Variants in LRFN5 observed in about 807,000 individuals in gnomAD.
LRFN5 encodes the protein leucine-rich repeat and fibronectin type-III domain-containing protein 5.
In LRFN5, 24 loss-of-function variants were observed where a neutral mutation model predicts 45.6. That is an observed-to-expected ratio of 0.53 (90% CI 0.38 to 0.74). The LOEUF (loss-of-function observed/expected upper bound fraction) is 0.74. Ranked by LOEUF, LRFN5 falls within the 30% of genes least tolerant of loss-of-function variation. The pLI, the probability that LRFN5 is intolerant of heterozygous loss-of-function variation, is 0.00. For synonymous variants in LRFN5, 340 were observed against 313.8 expected (o/e 1.08, Z -0.88); for missense variants, 776 against 861.5 (o/e 0.90, Z 1.24).
intron 1 of LRFN5, among the ~76,000 whole-genome samples, chr14:41,745,877 A>T (rs1490000091): frequency 6.6e-6 from 1 of 152,004 alleles, no homozygotes; most frequent in East Asian, 1.9e-4. Context: ...CACTAATTAA[A>T]ACTTTCCCCA....
chr14:41,876,992 T>A (rs1350978561), intron 2 of LRFN5, among the ~76,000 whole-genome samples: 2 of 152,142 alleles, frequency 1.3e-5, no homozygotes, highest in Non-Finnish European at 2.9e-5. Flanking sequence ...TTGTTTACAA[T>A]GTGAGAATTA....
chr14:41,636,255 G>C (rs2138588210), intron 1 of LRFN5, among the ~76,000 whole-genome samples: 1 of 152,238 alleles, frequency 6.6e-6, no homozygotes, highest in African/African-American at 2.4e-5. Context: ...ATACATCATG[G>C]AGTTGGTATT....
At position 41,624,934 on chromosome 14, in the gene LRFN5, CAA is replaced by C. The variant is rs528444143; in HGVS notation, c.-197+16374_-197+16375del. Among the ~76,000 whole-genome samples the C allele has an allele frequency of 4.8e-4, 72 of 151,254 alleles. 1 individual carries two copies. In the South Asian group the frequency reaches 0.011, roughly 24 times the overall value. On this transcript the variant is annotated intron_variant, in intron 1 of 5. Transcript: ENST00000298119. ...TTTTTTTCTTTTCATGTCTTATTTG[CAA>C]AGAGTTGACTATTTCCAGATAAAAT...
intron 1 of LRFN5, among the ~76,000 whole-genome samples, chr14:41,640,555 T>C (rs1307286519): frequency 1.3e-5 from 2 of 152,112 alleles, no homozygotes; most frequent in Non-Finnish European, 2.9e-5. Flanking sequence ...ATTAGGACAC[T>C]GTGGAGATAG....
chr14:41,814,410 T>C (rs943364115), intron 2 of LRFN5, among the ~76,000 whole-genome samples: 5 of 152,164 alleles, frequency 3.3e-5, no homozygotes, highest in African/African-American at 7.2e-5. Flanking sequence ...TTAATTAAGG[T>C]TTAATTAGGA....
chr14:41,656,297 GT>G (rs1214865111), intron 1 of LRFN5, among the ~76,000 whole-genome samples: 1 of 151,896 alleles, frequency 6.6e-6, no homozygotes, highest in African/African-American at 2.4e-5. Flanking sequence ...AGTTTTTATT[GT>G]TGCCTACACT....
At position 41,772,475 on chromosome 14, in the gene LRFN5, GT is replaced by G. The variant is rs1277209190; in HGVS notation, c.-21+5448del. ...TATGCTACCTATAAATGCTTATCTG[GT>G]TACATGAATTGAGTTCAATTAGTTT... On this transcript the variant is annotated intron_variant, in intron 2 of 5. Transcript: ENST00000298119. 4.6e-5 allele frequency among the ~76,000 whole-genome samples: 7 copies of G among 152,086 alleles called. No homozygotes were observed. In the East Asian group the frequency reaches 1.3e-3, roughly 29 times the overall value.
chr14:41,718,745 A>G (rs1883593834), intron 1 of LRFN5, among the ~76,000 whole-genome samples: 1 of 152,174 alleles, frequency 6.6e-6, no homozygotes, highest in South Asian at 2.1e-4. Flanking sequence ...ATCTAAGCTA[A>G]ATCTCACCTG....
At chr14:41,654,411 G>A (rs2138625833) in intron 1 of LRFN5, among the ~76,000 whole-genome samples, 1 of 152,048 alleles carries the variant, frequency 6.6e-6, no homozygotes, top group East Asian at 1.9e-4. Flanking sequence ...TGTACATAGT[G>A]CATATTTGTA....
At chr14:41,751,197 G>A (rs1258106866) in intron 1 of LRFN5, among the ~76,000 whole-genome samples, 1 of 152,050 alleles carries the variant, frequency 6.6e-6, no homozygotes, top group Non-Finnish European at 1.5e-5. Context: ...TTCAAGATGA[G>A]ATTTGGGTGA....
intron 2 of LRFN5, among the ~76,000 whole-genome samples, chr14:41,773,275 T>C (rs1387534791): frequency 6.6e-6 from 1 of 152,186 alleles, no homozygotes; most frequent in Non-Finnish European, 1.5e-5. Context: ...GCAGCTCACT[T>C]TTTTTGCCTG....
chr14:41,736,953 C>T (rs111318187), intron 1 of LRFN5, among the ~76,000 whole-genome samples: 1,603 of 152,148 alleles, frequency 0.011, 25 homozygotes, highest in African/African-American at 0.037. Flanking sequence ...CCTTCTGAAA[C>T]TATTCCAAAC....
chr14:41,897,404 A>C (rs1890976544), intron 4 of LRFN5, among the ~76,000 whole-genome samples: 1 of 151,968 alleles, frequency 6.6e-6, no homozygotes, highest in African/African-American at 2.4e-5. Context: ...TTCAAAGTCA[A>C]AATTTAGGAT....
At chr14:41,879,374 C>A (rs1890295077) in intron 2 of LRFN5, among the ~76,000 whole-genome samples, 1 of 151,722 alleles carries the variant, frequency 6.6e-6, no homozygotes, top group Non-Finnish European at 1.5e-5. Context: ...AAATTAATCA[C>A]CTACTCACAA....
intron 1 of LRFN5, among the ~76,000 whole-genome samples, chr14:41,626,362 G>A (rs1157563577): frequency 6.6e-6 from 1 of 151,998 alleles, no homozygotes; most frequent in African/African-American, 2.4e-5. Flanking sequence ...TAGCAATCAA[G>A]CTTATCTACA....
chr14:41,872,368 TG>T (rs1464822789), intron 2 of LRFN5, among the ~76,000 whole-genome samples: 2 of 152,236 alleles, frequency 1.3e-5, no homozygotes, highest in African/African-American at 4.8e-5. Context: ...ATGCATGCTA[TG>T]TTTTTTTCTA....
intron 4 of LRFN5, among the ~76,000 whole-genome samples, chr14:41,897,280 A>G (rs11844131): frequency 0.031 from 4,767 of 151,964 alleles, 88 homozygotes; most frequent in South Asian, 0.069. Context: ...CTGTTAATGC[A>G]TTGGGGATTT....
intron 2 of LRFN5, among the ~76,000 whole-genome samples, chr14:41,814,254 G>A (rs1428820938): frequency 1.3e-5 from 2 of 152,040 alleles, no homozygotes; most frequent in African/African-American, 2.4e-5. Context: ...GTCCTGAATG[G>A]TATTGGATTT....
chr14:41,837,453 G>C (rs1261325033), intron 2 of LRFN5, among the ~76,000 whole-genome samples: 1 of 152,124 alleles, frequency 6.6e-6, no homozygotes, highest in Non-Finnish European at 1.5e-5. Context: ...ATGGTGCATG[G>C]AGAGACCTCT....
Sources: gnomAD v4.1 joint callset for allele counts (sites outside exome capture counted in the v4.1 genomes callset) on GRCh38, gnomAD v4.1.1 for gene constraint, MANE v1.5 for transcripts, NCBI Gene and HGNC (gene_info 2026-07-23, HGNC 2026-07-21) for gene names.